Variants in NECTIN3 observed in about 807,000 individuals in gnomAD.
NECTIN3 encodes the protein nectin-3.
A neutral mutation model predicts 49.4 loss-of-function variants in NECTIN3; 8 were observed. The ratio of observed to expected loss-of-function variants is 0.16; its 90% CI spans 0.10 to 0.29. NECTIN3 has a LOEUF of 0.29. NECTIN3 is among the 10% of genes least tolerant of loss of function. The pLI is 1.00. For synonymous variants in NECTIN3, 277 were observed against 241.1 expected (o/e 1.15, Z -1.38); for missense variants, 581 against 654.6 (o/e 0.89, Z 1.23).
intron 1 of NECTIN3, chr3:111,072,807 G>A (rs1489003014): frequency 4.4e-6 from 2 of 459,418 alleles, no homozygotes; most frequent in Non-Finnish European, 7.8e-6. Flanking sequence ...CACACTGCCC[G>A]TGCTTATTTT....
chr3:111,125,639 T>C lies in NECTIN3; in HGVS notation c.918-545T>C, dbSNP rs1020584878. Among the ~76,000 whole-genome samples the C allele has an allele frequency of 3.9e-5, 6 of 152,360 alleles. No individual in the cohort carries two copies. The East Asian group carries it at 1.2e-3, about 29-fold the overall frequency. The stretch of plus-strand genomic sequence containing the variant: ...CCACCTTACAAGTGAAATTATTTTA[T>C]AGGAAGACCCATTTTGCTGTTTTAG... On this transcript the variant is annotated intron_variant, in intron 4 of 5. Coordinates refer to ENST00000485303, the MANE Select transcript of NECTIN3 (RefSeq NM_015480.3).
At chr3:111,166,951 A>C (rs1035072683) in intron 7 of NECTIN3, among the ~76,000 whole-genome samples, 1 of 152,254 alleles carries the variant, frequency 6.6e-6, no homozygotes, top group Non-Finnish European at 1.5e-5. Flanking sequence ...ATTTGAACCC[A>C]TAAGTGACTG....
At chr3:111,139,120 T>C (rs1373335688), downstream of NECTIN3, among the ~76,000 whole-genome samples, 1 of 151,712 alleles carries the variant, frequency 6.6e-6, no homozygotes, top group Non-Finnish European at 1.5e-5. Context: ...TTGATATTAT[T>C]TCATCTGTAA....
rs1576154195 is a variant in NECTIN3, at chr3:111,137,488, G to A, written c.*3273G>A. 2.1e-6 allele frequency: 2 copies of A among 956,080 alleles called. No homozygotes were observed. Among genetic ancestry groups the A allele is most frequent in the East Asian group, 2.8e-4 (2 of 7,056 alleles). 59.2% of individuals were successfully genotyped at this position (956,080 alleles called of 1,614,324 possible). A position where few individuals can be genotyped will look rare whatever the true frequency, so the allele number is the denominator to read the frequency against. On this transcript the variant is annotated 3_prime_UTR_variant, in exon 6 of 6. Coordinates refer to ENST00000485303, the MANE Select transcript of NECTIN3 (RefSeq NM_015480.3). ...TTGTTTTTTCTTTTTTAACCAACCTGTGTATTAGGTGTTAGCCCCAATAGC... is the reference window on the plus strand; with the variant it reads ...TTGTTTTTTCTTTTTTAACCAACCTATGTATTAGGTGTTAGCCCCAATAGC...
In NECTIN3 at chr3:111,134,396, C is replaced by A; in HGVS notation, c.*181C>A. 2 of 1,329,658 alleles carry A rather than the reference C, an allele frequency of 1.5e-6. No homozygotes were observed. The highest frequency in any genetic ancestry group is 5.8e-5 in the East Asian group (2 of 34,362). 82.4% of individuals were successfully genotyped at this position (1,329,658 alleles called of 1,614,324 possible). On this transcript the variant is annotated 3_prime_UTR_variant, in exon 6 of 6. Coordinates refer to ENST00000485303, the MANE Select transcript of NECTIN3 (RefSeq NM_015480.3). ...ATCTGAGTTCAGTGTATCTAAGCTG[C>A]TTTACAATTTTTTTTCAATGCTGTA...
chr3:111,092,498 A>G (rs2032327678), intron 1 of NECTIN3, among the ~76,000 whole-genome samples: 1 of 152,076 alleles, frequency 6.6e-6, no homozygotes, highest in Non-Finnish European at 1.5e-5. Flanking sequence ...AGAGTCTAAC[A>G]TCATTTTTTT....
chr3:111,131,724 A>G (rs917550764), intron 5 of NECTIN3, among the ~76,000 whole-genome samples: 1 of 151,956 alleles, frequency 6.6e-6, no homozygotes, highest in African/African-American at 2.4e-5. Context: ...AAATAGAAGT[A>G]ATAAATGTCA....
chr3:111,155,813 T>TACC (rs895036023), intron 7 of NECTIN3, among the ~76,000 whole-genome samples: 4 of 152,156 alleles, frequency 2.6e-5, no homozygotes, highest in African/African-American at 9.7e-5. Flanking sequence ...TTACCCAAGG[T>TACC]AGGTATCTTC....
Position 111,136,897 on chromosome 3 carries a change from G to T in NECTIN3, c.*2682G>T. 1 of 965,504 alleles carries T rather than the reference G, an allele frequency of 1.0e-6. No individual in the cohort carries two copies. Among genetic ancestry groups the T allele is most frequent in the Non-Finnish European group, 1.2e-6 (1 of 812,014 alleles). 59.8% of individuals were successfully genotyped at this position (965,504 alleles called of 1,614,324 possible). A position where few individuals can be genotyped will look rare whatever the true frequency, so the allele number is the denominator to read the frequency against. On this transcript the variant is annotated 3_prime_UTR_variant, in exon 6 of 6. Coordinates refer to ENST00000485303, the MANE Select transcript of NECTIN3 (RefSeq NM_015480.3). ...TAGGCTCGGGGTTAACTTTAAAAGT[G>T]ATATTTGAGAAGTGCTTTAGAGTTG...
chr3:111,158,937 T>C (rs773123668), intron 7 of NECTIN3, among the ~76,000 whole-genome samples: 38 of 152,258 alleles, frequency 2.5e-4, no homozygotes, highest in Non-Finnish European at 4.3e-4. Flanking sequence ...TTATTTAGAC[T>C]TTTTGTCAAA....
At chr3:111,174,305 C>T (rs1027271925) in intron 7 of NECTIN3, among the ~76,000 whole-genome samples, 7 of 152,160 alleles carry the variant, frequency 4.6e-5, no homozygotes, top group Admixed American at 6.5e-5. Flanking sequence ...TTTCCTAACC[C>T]ATTTTGCACT....
intron 6 of NECTIN3, among the ~76,000 whole-genome samples, chr3:111,145,423 T>C (rs928675629): frequency 6.6e-6 from 1 of 152,238 alleles, no homozygotes; most frequent in African/African-American, 2.4e-5. Context: ...ATGCATGTCT[T>C]ATGTATAGAT....
At chr3:111,122,302 A>G in intron 4 of NECTIN3, 64 bp downstream of exon 4, 3 of 1,292,834 alleles carry the variant, frequency 2.3e-6, no homozygotes, top group Non-Finnish European at 3.3e-6. Flanking sequence ...TCCCCATTCT[A>G]AATTGTTTTT....
intron 1 of NECTIN3, among the ~76,000 whole-genome samples, chr3:111,099,126 T>G (rs2032757397): frequency 6.6e-6 from 1 of 152,118 alleles, no homozygotes; most frequent in Non-Finnish European, 1.5e-5. Context: ...CCACCTCACC[T>G]AACATCCATC....
chr3:111,136,072 T>G lies in NECTIN3; in HGVS notation c.*1857T>G. Reference sequence around the variant, plus strand: ...TGATTGATGTGACTTTATTTTTAATTTAAACGATGAGGTGGCCAGAAGAAA... The same window carrying G: ...TGATTGATGTGACTTTATTTTTAATGTAAACGATGAGGTGGCCAGAAGAAA... On this transcript the variant is annotated 3_prime_UTR_variant, in exon 6 of 6. Coordinates refer to ENST00000485303, the MANE Select transcript of NECTIN3 (RefSeq NM_015480.3). The G allele has an allele frequency of 1.0e-6, 1 of 982,718 alleles. No individual in the cohort carries two copies. The highest frequency in any genetic ancestry group is 1.2e-6 in the Non-Finnish European group (1 of 827,892). The allele number at this position is 982,718 out of a possible 1,614,324, so 60.9% of individuals were successfully genotyped here.
chr3:111,082,529 A>C (rs2031680007), intron 1 of NECTIN3, among the ~76,000 whole-genome samples: 1 of 152,162 alleles, frequency 6.6e-6, no homozygotes, highest in African/African-American at 2.4e-5. Context: ...TTAGTTGATA[A>C]ATAAATGAAT....
intron 1 of NECTIN3, among the ~76,000 whole-genome samples, chr3:111,094,030 A>G (rs974692718): frequency 2.0e-5 from 3 of 152,106 alleles, no homozygotes; most frequent in Admixed American, 2.0e-4. Context: ...ATAAATTGTC[A>G]TTGATTAAAA....
chr3:111,086,229 T>C (rs1484837062), intron 1 of NECTIN3, among the ~76,000 whole-genome samples: 2 of 152,204 alleles, frequency 1.3e-5, no homozygotes, highest in African/African-American at 4.8e-5. Context: ...AAATATCTTC[T>C]ACTCTGGCCA....
In NECTIN3 at chr3:111,183,186, CT is replaced by C. The variant is rs34822217; in HGVS notation, c.1222-9158del. On this transcript the variant is annotated intron_variant, in intron 7 of 8. Transcript: ENST00000493615. ...ATTTTTGTTTTAAACCATAATGTAT[CT>C]TTTTTTAAAACTACAAACTGATAAA... Among the ~76,000 whole-genome samples the C allele has an allele frequency of 2.4e-4, 37 of 151,864 alleles. 2 individuals carry two copies. Among genetic ancestry groups the C allele is most frequent in the East Asian group, 1.9e-4 (1 of 5,180 alleles).
Sources: allele counts gnomAD v4.1 joint callset (sites outside exome capture counted in the v4.1 genomes callset), GRCh38; gene constraint gnomAD v4.1.1; transcripts MANE v1.5; gene names NCBI Gene and HGNC (gene_info 2026-07-23, HGNC 2026-07-21).